The following SLC19A1 variants were observed in gnomAD, a reference collection of about 807,000 sequenced individuals.
The protein encoded by SLC19A1 is reduced folate transporter.
Under a neutral mutation model 35.3 loss-of-function variants are expected in SLC19A1, and 37 were observed. The observed-to-expected ratio is 1.05, with a 90% CI of 0.81 to 1.38. SLC19A1 has a LOEUF of 1.38. SLC19A1 is among the 40% of genes most tolerant of loss of function. The pLI, the probability that SLC19A1 is intolerant of heterozygous loss-of-function variation, is 0.00. For synonymous variants in SLC19A1, 460 were observed against 398.5 expected (o/e 1.15, Z -1.84); for missense variants, 831 against 826.9 (o/e 1.00, Z -0.06).
upstream of SLC19A1, chr21:45,542,441 G>C (rs999749115): frequency 4.0e-5 from 6 of 151,130 alleles, no homozygotes; most frequent in African/African-American, 1.5e-4. Flanking sequence ...GGACTACAGC[G>C]CCCACAAGGC....
At position 45,504,174 on chromosome 21, in the gene SLC19A1, G is replaced by A. The variant is rs945458605; in HGVS notation, c.498-5562C>T. 2.1e-5 allele frequency: 26 copies of A among 1,217,712 alleles called. No individual in the cohort carries two copies. In the African/African-American group the frequency reaches 2.4e-4, roughly 11 times the overall value. The allele number at this position is 1,217,712 out of a possible 1,614,324, so 75.4% of individuals were successfully genotyped here. On this transcript the variant is annotated intron_variant, in intron 3 of 4. Transcript: ENST00000417954. ...CCCTTCCTGTTCAGCCCTGCGAGGGGCGCTGGCTCCAGAGGGTGTCGAGGG... is the reference window on the plus strand; with the variant it reads ...CCCTTCCTGTTCAGCCCTGCGAGGGACGCTGGCTCCAGAGGGTGTCGAGGG...
At chr21:45,551,541 A>G (rs1478609638) in intron 1 of SLC19A1, among the ~76,000 whole-genome samples, 1 of 152,210 alleles carries the variant, frequency 6.6e-6, no homozygotes, top group Non-Finnish European at 1.5e-5. Flanking sequence ...TCTTGGACTC[A>G]TGACTCATTA....
chr21:45,532,955 A>G (rs2077982554), intron 2 of SLC19A1, among the ~76,000 whole-genome samples: 1 of 152,220 alleles, frequency 6.6e-6, no homozygotes, highest in African/African-American at 2.4e-5. Flanking sequence ...GAAGAAAGAC[A>G]GGAAGGGGAA....
At position 45,529,475 on chromosome 21, in the gene SLC19A1, G is replaced by A. The variant is rs146325703; in HGVS notation, c.1151+1295C>T. Among the ~76,000 whole-genome samples, 1,030 of 152,334 alleles carry A rather than the reference G, an allele frequency of 6.8e-3. 11 individuals carry two copies. Among genetic ancestry groups the A allele is most frequent in the African/African-American group, 0.024 (986 of 41,564 alleles). On this transcript the variant is annotated intron_variant, in intron 4 of 5. Transcript: ENST00000311124. ...GGGCCAAAGTCCTCCCAGCGGGCAG[G>A]AAAGAGGGGGCAGGTCCAGGGAGCA... is the stretch of plus-strand genomic sequence containing the variant.
At chr21:45,504,687 T>C (rs2037082134) in intron 3 of SLC19A1, 2 of 774,634 alleles carry the variant, frequency 2.6e-6, no homozygotes, top group Non-Finnish European at 4.2e-6. Context: ...AGCCCCGACA[T>C]GTCCCTGTCC....
Position 45,517,141 on chromosome 21 carries a change from C to T in SLC19A1, c.1294-1001G>A, listed in dbSNP as rs2037993528. Among the ~76,000 whole-genome samples the T allele has an allele frequency of 1.3e-5, 2 of 152,122 alleles. No individual in the cohort carries two copies. Among genetic ancestry groups the T allele is most frequent in the Admixed American group, 1.3e-4 (2 of 15,274 alleles). On this transcript the variant is annotated intron_variant, in intron 5 of 5. Coordinates refer to ENST00000311124, the MANE Select transcript of SLC19A1 (RefSeq NM_194255.4). The surrounding 1 kb of genome is among the most constrained non-coding windows in gnomAD (Gnocchi z 4.4). ...AGGACAGACTGTGCCACGCAGAGCT[C>T]CCTGGGGGCTTTTCTTTTCACCTCA...
rs1037608586 is a variant in SLC19A1, at chr21:45,534,537, C to G, written c.190-2389G>C. 3 of 1,535,326 alleles carry G rather than the reference C, an allele frequency of 2.0e-6. No individual in the cohort carries two copies. Among genetic ancestry groups the G allele is most frequent in the Non-Finnish European group, 2.6e-6 (3 of 1,146,652 alleles). On this transcript the variant is annotated intron_variant, in intron 2 of 5. Transcript: ENST00000311124. This position sits in a 1 kb window ranked among gnomAD's most constrained non-coding sequence, Gnocchi z 4.2. ...CCAGGGGTCCTAGAAGCCTCACCCACCTCCGAATGAATGGAGCATGCCTCA... is the reference window on the plus strand; with the variant it reads ...CCAGGGGTCCTAGAAGCCTCACCCAGCTCCGAATGAATGGAGCATGCCTCA...
intron 1 of SLC19A1, among the ~76,000 whole-genome samples, chr21:45,559,723 C>T (rs2078597108): frequency 1.3e-5 from 2 of 152,174 alleles, no homozygotes; most frequent in South Asian, 2.1e-4. Context: ...GCAGAGCTTC[C>T]GTGTTCCTTA....
At chr21:45,509,261 C>G, downstream of SLC19A1, 1 of 1,501,458 alleles carries the variant, frequency 6.7e-7, no homozygotes, top group Non-Finnish European at 8.9e-7. Flanking sequence ...AGTTCAGAGC[C>G]CAGCCCCTCT....
At chr21:45,518,549 A>T (rs1602707203) in intron 5 of SLC19A1, among the ~76,000 whole-genome samples, 1 of 152,208 alleles carries the variant, frequency 6.6e-6, no homozygotes, top group African/African-American at 2.4e-5. Context: ...AATCACACCA[A>T]CACATACCAT....
downstream of SLC19A1, chr21:45,510,350 C>T: frequency 7.3e-7 from 1 of 1,371,880 alleles, no homozygotes; most frequent in Non-Finnish European, 1.0e-6. Context: ...CCCTCTAGGG[C>T]CTCTGGAGGC....
At chr21:45,558,119 C>T (rs1224163261) in intron 1 of SLC19A1, among the ~76,000 whole-genome samples, 2 of 152,254 alleles carry the variant, frequency 1.3e-5, no homozygotes, top group Non-Finnish European at 2.9e-5. Flanking sequence ...TAGCACGTCC[C>T]GTGCTGACGA....
At chr21:45,510,009 CT>C (rs2037480848), downstream of SLC19A1, 1 of 1,525,596 alleles carries the variant, frequency 6.6e-7, no homozygotes, top group Non-Finnish European at 8.8e-7. Flanking sequence ...CGCCCGGGGC[CT>C]GGGTGCAGGG....
At chr21:45,507,070 C>T in intron 3 of SLC19A1, 1 of 336,950 alleles carries the variant, frequency 3.0e-6, no homozygotes. Context: ...GCTGGGAGGG[C>T]TGGGTGCTGG....
At chr21:45,509,952 C>A, downstream of SLC19A1, 1 of 1,255,858 alleles carries the variant, frequency 8.0e-7, no homozygotes, top group Non-Finnish European at 1.1e-6. Flanking sequence ...TCCCGCTCAG[C>A]GCCCCTCGGC....
At chr21:45,557,077 G>A (rs570135818) in intron 1 of SLC19A1, among the ~76,000 whole-genome samples, 2 of 152,288 alleles carry the variant, frequency 1.3e-5, no homozygotes, top group African/African-American at 4.8e-5. Flanking sequence ...CTGGTACCAG[G>A]ACTTGGGCAC....
In SLC19A1 at chr21:45,526,450, T is replaced by C. The variant is rs537180026; in HGVS notation, c.1152-492A>G. Among the ~76,000 whole-genome samples, 6 of 152,340 alleles carry C rather than the reference T, an allele frequency of 3.9e-5. No homozygotes were observed. The East Asian group carries it at 1.2e-3, about 29-fold the overall frequency. On this transcript the variant is annotated intron_variant, in intron 4 of 5. Coordinates refer to ENST00000311124, the MANE Select transcript of SLC19A1 (RefSeq NM_194255.4). ...CTCACCCTGAGTTCTGGAGTAATTT[T>C]GTGCATGAAGAAACTTTTGACCGTG...
At chr21:45,545,242 G>A (rs2078401561), upstream of SLC19A1, among the ~76,000 whole-genome samples, 1 of 152,218 alleles carries the variant, frequency 6.6e-6, no homozygotes, top group African/African-American at 2.4e-5. Flanking sequence ...TGTTGGAAGT[G>A]GGGCCTGGCG....
chr21:45,554,617 C>T (rs1390556939), intron 1 of SLC19A1, among the ~76,000 whole-genome samples: 1 of 145,038 alleles, frequency 6.9e-6, no homozygotes, highest in Non-Finnish European at 1.5e-5. Context: ...GTCTCCAGGT[C>T]CCTGCACGGG....
Sources: allele counts gnomAD v4.1 joint callset (sites outside exome capture counted in the v4.1 genomes callset), GRCh38; gene constraint gnomAD v4.1.1; non-coding constraint Gnocchi (gnomAD v3.1); transcripts MANE v1.5; gene names NCBI Gene and HGNC (gene_info 2026-07-23, HGNC 2026-07-21).